Variants in THSD7B observed in about 807,000 individuals in gnomAD.
THSD7B encodes the protein thrombospondin type-1 domain-containing protein 7B.
In THSD7B, 138 loss-of-function variants were observed where a neutral mutation model predicts 213.6. The observed-to-expected ratio is 0.65, with a 90% CI of 0.56 to 0.74. The LOEUF (loss-of-function observed/expected upper bound fraction) is 0.74, where lower values mean the gene tolerates loss of function less well. THSD7B is among the 30% of genes least tolerant of loss of function. The pLI is 0.00. For synonymous variants in THSD7B, 742 were observed against 687.0 expected, an observed-to-expected ratio of 1.08 and a Z score of -1.25; for missense variants, 1,931 against 1,991.5, an observed-to-expected ratio of 0.97 and a Z score of 0.58.
At chr2:137,649,023 T>C (rs1683089752) in intron 21 of THSD7B, among the ~76,000 whole-genome samples, 2 of 152,224 alleles carry the variant, frequency 1.3e-5, no homozygotes, top group South Asian at 4.1e-4. Flanking sequence ...TAAGTACTAA[T>C]GTTGAACTTT....
At chr2:137,609,164 C>T (rs1029545404) in intron 17 of THSD7B, among the ~76,000 whole-genome samples, 3 of 152,152 alleles carry the variant, frequency 2.0e-5, no homozygotes, top group African/African-American at 7.2e-5. Context: ...CACTAACACA[C>T]ACAGTCTGTT....
chr2:137,422,823 A>G (rs183095086), intron 14 of THSD7B, among the ~76,000 whole-genome samples: 1 of 152,220 alleles, frequency 6.6e-6, no homozygotes, highest in African/African-American at 2.4e-5. Flanking sequence ...TAAATCCAGA[A>G]TTATGCCCAA....
intron 16 of THSD7B, among the ~76,000 whole-genome samples, chr2:137,565,775 C>A (rs1005481055): frequency 3.3e-5 from 5 of 152,070 alleles, no homozygotes; most frequent in African/African-American, 1.2e-4. Context: ...TAGCTCAGGT[C>A]TTTCTTTTTC....
chr2:137,138,683 T>C (rs1420550317), intron 5 of THSD7B, among the ~76,000 whole-genome samples: 1 of 152,172 alleles, frequency 6.6e-6, no homozygotes, highest in Non-Finnish European at 1.5e-5. Context: ...GTTTCTCTCC[T>C]GAGCAACCCA....
intron 13 of THSD7B, among the ~76,000 whole-genome samples, chr2:137,409,174 C>G (rs1686594987): frequency 6.6e-6 from 1 of 152,124 alleles, no homozygotes; most frequent in Non-Finnish European, 1.5e-5. Context: ...CAGATTTGTA[C>G]TTTGAAAGCT....
chr2:137,612,555 G>A (rs563374439), intron 17 of THSD7B, among the ~76,000 whole-genome samples: 8 of 152,258 alleles, frequency 5.3e-5, no homozygotes, highest in African/African-American at 1.9e-4. Context: ...ATCCAGTCTT[G>A]TGCCAACAAT....
At chr2:136,931,077 C>G (rs1409392491) in intron 2 of THSD7B, among the ~76,000 whole-genome samples, 1 of 152,032 alleles carries the variant, frequency 6.6e-6, no homozygotes, top group Non-Finnish European at 1.5e-5. Flanking sequence ...ATATTTAAGA[C>G]TGGATATGTT....
intron 1 of THSD7B, among the ~76,000 whole-genome samples, chr2:136,834,754 T>C: frequency 6.6e-6 from 1 of 152,222 alleles, no homozygotes; most frequent in Non-Finnish European, 1.5e-5. Flanking sequence ...GCACAACAGT[T>C]AGCACTGTTT....
intron 12 of THSD7B, among the ~76,000 whole-genome samples, chr2:137,321,628 G>T (rs1684266465): frequency 6.6e-6 from 1 of 152,230 alleles, no homozygotes; most frequent in Non-Finnish European, 1.5e-5. Context: ...ATGAGGCAAT[G>T]TGGTAATCTC....
At chr2:136,916,060 TG>T in intron 2 of THSD7B, among the ~76,000 whole-genome samples, 1 of 152,314 alleles carries the variant, frequency 6.6e-6, no homozygotes, top group East Asian at 1.9e-4. Context: ...CCCTAGTAAT[TG>T]GTCTAAATTT....
At chr2:137,389,402 A>ACTTTTTTTTTTTTTTTTTTTTTTTTTTT (rs1685967896) in intron 12 of THSD7B, among the ~76,000 whole-genome samples, 1 of 38,052 alleles carries the variant, frequency 2.6e-5, no homozygotes. Context: ...TCTTAATGTG[A>ACTTTTTTTTTTTTTTTTTTTTTTTTTTT]TTTTTTTTTT....
intron 20 of THSD7B, among the ~76,000 whole-genome samples, chr2:137,635,308 C>T (rs913373516): frequency 3.9e-5 from 6 of 152,108 alleles, no homozygotes; most frequent in African/African-American, 1.4e-4. Context: ...GAATTTAGTT[C>T]CCAATTGATA....
chr2:136,859,950 G>T (rs967695373), intron 1 of THSD7B, among the ~76,000 whole-genome samples: 3 of 151,710 alleles, frequency 2.0e-5, no homozygotes, highest in African/African-American at 7.3e-5. Context: ...TCCAGAAACT[G>T]GTGTTGGAGG....
At chr2:137,136,575 G>T (rs1230106933) in intron 5 of THSD7B, among the ~76,000 whole-genome samples, 1 of 152,160 alleles carries the variant, frequency 6.6e-6, no homozygotes, top group Non-Finnish European at 1.5e-5. Context: ...AGTCAGCTAT[G>T]AAAGGCGTAA....
At chr2:137,206,478 A>G (rs1680986267) in intron 7 of THSD7B, among the ~76,000 whole-genome samples, 1 of 152,100 alleles carries the variant, frequency 6.6e-6, no homozygotes, top group African/African-American at 2.4e-5. Flanking sequence ...TACCTGTCAC[A>G]TTAGAGTTAC....
At chr2:137,043,950 T>C (rs1208175046) in intron 2 of THSD7B, among the ~76,000 whole-genome samples, 1 of 152,222 alleles carries the variant, frequency 6.6e-6, no homozygotes, top group Non-Finnish European at 1.5e-5. Flanking sequence ...ACTAGGTTTC[T>C]GACCTAGACT....
At chr2:137,676,498 T>G (rs776350021) in intron 27 of THSD7B, 26 bp from the exon 28 acceptor site, 2 of 1,563,570 alleles carry the variant, frequency 1.3e-6, no homozygotes, top group Non-Finnish European at 1.7e-6. Context: ...ACTTACTTGA[T>G]CTGAGGAATT....
intron 3 of THSD7B, among the ~76,000 whole-genome samples, chr2:137,088,893 G>A (rs557010405): frequency 6.6e-6 from 1 of 152,142 alleles, no homozygotes; most frequent in Non-Finnish European, 1.5e-5. Context: ...CTAATGATCA[G>A]CATTATGCAA....
chr2:136,824,186 T>A (rs1236956193), intron 1 of THSD7B, among the ~76,000 whole-genome samples: 1 of 152,170 alleles, frequency 6.6e-6, no homozygotes, highest in Admixed American at 6.5e-5. Context: ...ACCAATGCTT[T>A]GTCACTTCTC....
Sources: allele counts gnomAD v4.1 joint callset (sites outside exome capture counted in the v4.1 genomes callset), GRCh38; gene constraint gnomAD v4.1.1; transcripts MANE v1.5; gene names NCBI Gene and HGNC (gene_info 2026-07-23, HGNC 2026-07-21).